Variants in SCEL observed in about 807,000 individuals in gnomAD.
SCEL encodes the protein sciellin.
SCEL carries 113 observed loss-of-function variants against 117.6 expected under a neutral mutation model. The observed-to-expected ratio is 0.96, with a 90% CI of 0.83 to 1.12. SCEL has a LOEUF of 1.12. Among genes scored for constraint, SCEL ranks in the 50% most tolerant of loss-of-function variants. The probability of loss-of-function intolerance (pLI) is 0.00; values close to 1 mark genes in which losing one functional copy is unlikely to be tolerated. For synonymous variants in SCEL, 270 were observed against 256.2 expected, an observed-to-expected ratio of 1.05 and a Z score of -0.51; for missense variants, 785 against 810.8, an observed-to-expected ratio of 0.97 and a Z score of 0.39.
intron 27 of SCEL, among the ~76,000 whole-genome samples, chr13:77,618,918 T>C (rs1399836846): frequency 6.6e-6 from 1 of 152,166 alleles, no homozygotes; most frequent in Non-Finnish European, 1.5e-5. Context: ...ATATTACCAA[T>C]TTTAACCATA....
intron 1 of SCEL, among the ~76,000 whole-genome samples, chr13:77,542,106 G>GA (rs1167312428): frequency 6.6e-6 from 1 of 152,176 alleles, no homozygotes; most frequent in Non-Finnish European, 1.5e-5. Context: ...TCATTCTGCA[G>GA]AAAAGATGGG....
Position 77,639,678 on chromosome 13 carries a change from T to G in SCEL, c.1839-998T>G, listed in dbSNP as rs377466355. Among the ~76,000 whole-genome samples, 5 of 152,304 alleles carry G rather than the reference T, an allele frequency of 3.3e-5. No individual in the cohort carries two copies. In the South Asian group the frequency reaches 6.2e-4, roughly 19 times the overall value. ...TGTTTCTTTTTTAATAAAATGATGATAAAAATAATAATAGTGGCTTGTCAG... is the reference window on the plus strand; with the variant it reads ...TGTTTCTTTTTTAATAAAATGATGAGAAAAATAATAATAGTGGCTTGTCAG... On this transcript the variant is annotated intron_variant, in intron 30 of 32. Coordinates refer to ENST00000349847, the MANE Select transcript of SCEL (RefSeq NM_144777.3).
At chr13:77,602,578 G>A in intron 16 of SCEL, 76 bp from the exon 17 acceptor site, 1 of 1,259,866 alleles carries the variant, frequency 7.9e-7, no homozygotes, top group Non-Finnish European at 1.2e-6. Context: ...CACATTCAGG[G>A]ACATTCTTGA....
In SCEL at chr13:77,613,903, G is replaced by A. The variant is rs549586209; in HGVS notation, c.1399G>A (p.Gly467Ser). 2.5e-6 allele frequency: 4 copies of A among 1,613,218 alleles called. No homozygotes were observed. Among genetic ancestry groups the A allele is most frequent in the South Asian group, 2.2e-5 (2 of 90,982 alleles). Residue 467 changes from glycine (G) to serine (S), a missense_variant, in exon 24 of 33, where the codon GGT becomes AGT. Transcript: ENST00000349847. Reference protein sequence around the residue: ...IPSANKSSEQGLDEHINVSPK... With the variant: ...IPSANKSSEQSLDEHINVSPK... ...CTAATTTTGTTTTAGCAGTGAACAAGGTCTTGATGAACATATTAATGTCAG... is the reference window on the plus strand; with the variant it reads ...CTAATTTTGTTTTAGCAGTGAACAAAGTCTTGATGAACATATTAATGTCAG...
intron 9 of SCEL, among the ~76,000 whole-genome samples, chr13:77,581,535 T>C (rs951945867): frequency 1.3e-5 from 2 of 152,070 alleles, no homozygotes; most frequent in Non-Finnish European, 2.9e-5. Context: ...TCTTGTTGCC[T>C]CCGCCCCTGC....
intron 1 of SCEL, among the ~76,000 whole-genome samples, chr13:77,542,304 G>C (rs1057200484): frequency 6.6e-6 from 1 of 152,206 alleles, no homozygotes; most frequent in Admixed American, 6.5e-5. Flanking sequence ...AGGAGGCTGA[G>C]GCAGGAGAAT....
At chr13:77,560,280 A>AAAG (rs1336268273) in intron 4 of SCEL, among the ~76,000 whole-genome samples, 1 of 151,314 alleles carries the variant, frequency 6.6e-6, no homozygotes, top group Non-Finnish European at 1.5e-5. Flanking sequence ...AAAAAAAAAA[A>AAAG]AAAATTAATT....
chr13:77,614,216 G>A (rs2088871890), intron 24 of SCEL, among the ~76,000 whole-genome samples: 1 of 152,100 alleles, frequency 6.6e-6, no homozygotes. Flanking sequence ...AAGGAGCATA[G>A]GTAGTCTAGG....
Position 77,548,534 on chromosome 13 carries a change from C to A in SCEL, c.-19-7323C>A, listed in dbSNP as rs1365761622. On this transcript the variant is annotated intron_variant, in intron 1 of 32. Transcript: ENST00000349847. ...GTTGACATTAAGATGGGCAGGAAGT[C>A]TGTATAAACATCAGCGTGCATCTTT... 2.0e-5 allele frequency among the ~76,000 whole-genome samples: 3 copies of A among 152,268 alleles called. No individual in the cohort carries two copies. In the East Asian group the frequency reaches 5.8e-4, roughly 29 times the overall value.
At chr13:77,633,172 C>A (rs1306669284) in intron 28 of SCEL, among the ~76,000 whole-genome samples, 6 of 148,804 alleles carry the variant, frequency 4.0e-5, no homozygotes, top group African/African-American at 1.5e-4. Flanking sequence ...CGCGGTGGCT[C>A]ACGCCTGTAA....
At chr13:77,639,060 A>G (rs928702831) in intron 30 of SCEL, among the ~76,000 whole-genome samples, 6 of 152,150 alleles carry the variant, frequency 3.9e-5, no homozygotes, top group East Asian at 1.9e-4. Flanking sequence ...CCTGGAAACA[A>G]TCATGCATGT....
chr13:77,550,620 G>A (rs535690324), intron 1 of SCEL, among the ~76,000 whole-genome samples: 25 of 152,070 alleles, frequency 1.6e-4, no homozygotes, highest in African/African-American at 5.5e-4. Context: ...CATACAATGT[G>A]TCCTCTTCCG....
At position 77,591,521 on chromosome 13, in the gene SCEL, C is replaced by A. The variant is rs1380326041; in HGVS notation, c.692+61C>A. 8.3e-6 allele frequency: 8 copies of A among 966,704 alleles called. No homozygotes were observed. The African/African-American group carries it at 1.2e-4, about 14-fold the overall frequency. The allele number at this position is 966,704 out of a possible 1,614,324, so 59.9% of individuals were successfully genotyped here. A position where few individuals can be genotyped will look rare whatever the true frequency, so the allele number is the denominator to read the frequency against. On this transcript the variant is annotated intron_variant, in intron 11 of 32. Coordinates refer to ENST00000349847, the MANE Select transcript of SCEL (RefSeq NM_144777.3). ...GTAATGATAAAGTATGCTTTCTCAG[C>A]ACATTAAAAAATGCAAGGCAATTAA...
chr13:77,576,565 A>G (rs866623594), intron 9 of SCEL, among the ~76,000 whole-genome samples: 3 of 152,130 alleles, frequency 2.0e-5, no homozygotes, highest in Admixed American at 6.5e-5. Context: ...CTCTTCTCTG[A>G]GTTGCCTTTG....
chr13:77,621,599 A>T (rs1307048128), intron 27 of SCEL, among the ~76,000 whole-genome samples: 1 of 152,180 alleles, frequency 6.6e-6, no homozygotes, highest in Non-Finnish European at 1.5e-5. Flanking sequence ...TAAGGTCTTT[A>T]AGGGTAACTA....
At chr13:77,569,830 C>A (rs993197559) in intron 8 of SCEL, among the ~76,000 whole-genome samples, 1 of 152,168 alleles carries the variant, frequency 6.6e-6, no homozygotes, top group South Asian at 2.1e-4. Flanking sequence ...ATTGGGCTGG[C>A]CTTGCTTCCA....
intron 28 of SCEL, among the ~76,000 whole-genome samples, chr13:77,630,627 C>T (rs1160695106): frequency 1.3e-5 from 2 of 152,116 alleles, no homozygotes; most frequent in African/African-American, 4.8e-5. Context: ...TTCAAAGCAG[C>T]CATATCATTT....
At chr13:77,570,671 T>G (rs1783747126) in intron 8 of SCEL, among the ~76,000 whole-genome samples, 1 of 152,222 alleles carries the variant, frequency 6.6e-6, no homozygotes, top group South Asian at 2.1e-4. Context: ...CATCTGAATA[T>G]CTTCAGTTTT....
At chr13:77,538,908 A>G (rs620538) in intron 1 of SCEL, among the ~76,000 whole-genome samples, 6,499 of 152,266 alleles carry the variant, frequency 0.043, 467 homozygotes, top group African/African-American at 0.15. Flanking sequence ...GACTGTGTCA[A>G]TGTTCTAGAA....
Sources: allele counts gnomAD v4.1 joint callset (sites outside exome capture counted in the v4.1 genomes callset), GRCh38; gene constraint gnomAD v4.1.1; transcripts MANE v1.5; gene names NCBI Gene and HGNC (gene_info 2026-07-23, HGNC 2026-07-21).